FGFR2: variants seen among roughly 807,000 people sequenced by gnomAD.
The protein encoded by FGFR2 is fibroblast growth factor receptor 2, also known as BEK fibroblast growth factor receptor.
Under a neutral mutation model 95.9 loss-of-function variants are expected in FGFR2, and 19 were observed. The observed-to-expected ratio is 0.20, with a 90% CI of 0.14 to 0.29. The LOEUF is 0.29. FGFR2 is among the 10% of genes least tolerant of loss of function. The probability of loss-of-function intolerance (pLI) is 1.00; values close to 1 mark genes in which losing one functional copy is unlikely to be tolerated. For missense variants in FGFR2, 707 were observed against 1,056.9 expected (o/e 0.67, Z 4.59); for synonymous variants, 392 against 393.3 (o/e 1.00, Z 0.04).
At chr10:121,574,110 T>C (rs934831831) in intron 2 of FGFR2, among the ~76,000 whole-genome samples, 1 of 152,094 alleles carries the variant, frequency 6.6e-6, no homozygotes, top group Non-Finnish European at 1.5e-5. Flanking sequence ...CAATACCCAA[T>C]TCTCTGTCCG....
chr10:121,545,844 A>C (rs1854421622), intron 5 of FGFR2, among the ~76,000 whole-genome samples: 1 of 152,190 alleles, frequency 6.6e-6, no homozygotes, highest in Admixed American at 6.5e-5. Flanking sequence ...TAGATCTGAA[A>C]TATACTTGGT....
chr10:121,570,524 T>C (rs979102808), intron 2 of FGFR2, among the ~76,000 whole-genome samples: 1 of 152,250 alleles, frequency 6.6e-6, no homozygotes, highest in African/African-American at 2.4e-5. Context: ...TTTATAGTCA[T>C]GTGAGCACTT....
Position 121,479,780 on chromosome 10 carries a change from TG to T in FGFR2, c.*76del. 1 of 1,613,220 alleles carries T rather than the reference TG, an allele frequency of 6.2e-7. No homozygotes were observed. Among genetic ancestry groups the T allele is most frequent in the East Asian group, 2.2e-5 (1 of 44,880 alleles). On this transcript the variant is annotated 3_prime_UTR_variant, in exon 18 of 18. Coordinates refer to ENST00000358487, the MANE Select transcript of FGFR2 (RefSeq NM_000141.5). ...ATATACAAGTGGAGACAACAAGCTC[TG>T]GGAGGCATGGTCTCCCTGCTCAGTG...
rs117061282 is a variant in FGFR2, at chr10:121,530,054, A to G, written c.748+8538T>C. On this transcript the variant is annotated intron_variant, in intron 6 of 17. Transcript: ENST00000358487. ...GCAACACCGACACCCTTGGCCATCT[A>G]TTTCCCACAGACACCCACATTTGAC... Among the ~76,000 whole-genome samples the G allele has an allele frequency of 7.6e-3, 1,158 of 152,120 alleles. 4 individuals are homozygous for G. Among genetic ancestry groups the G allele is most frequent in the Middle Eastern group, 0.014 (4 of 294 alleles).
At chr10:121,593,275 A>G (rs954809151) in intron 2 of FGFR2, among the ~76,000 whole-genome samples, 2 of 152,216 alleles carry the variant, frequency 1.3e-5, no homozygotes, top group Non-Finnish European at 2.9e-5. Flanking sequence ...AACAATGAAA[A>G]TAAGATGTCA....
intron 5 of FGFR2, among the ~76,000 whole-genome samples, chr10:121,540,403 T>A (rs577836894): frequency 1.6e-4 from 25 of 152,240 alleles, no homozygotes; most frequent in Admixed American, 5.2e-4. Flanking sequence ...CGTCTCCCCT[T>A]AAGAGAGATA....
intron 1 of FGFR2, among the ~76,000 whole-genome samples, chr10:121,594,392 C>T (rs1014321090): frequency 9.2e-5 from 14 of 152,212 alleles, no homozygotes; most frequent in African/African-American, 2.7e-4. Context: ...TTCTCTTAGT[C>T]CAACTGGGCT....
In FGFR2 at chr10:121,509,482, C is replaced by CTTTTTT. The variant is rs67778522; in HGVS notation, c.1288-5547_1288-5542dup. Among the ~76,000 whole-genome samples the CTTTTTT allele has an allele frequency of 1.3e-3, 58 of 45,354 alleles. 1 individual carries two copies. The highest frequency in any genetic ancestry group is 2.8e-3 in the African/African-American group (32 of 11,568). The allele number at this position is 45,354 out of a possible 152,430, so 29.8% of individuals were successfully genotyped here. A position where few individuals can be genotyped will look rare whatever the true frequency, so the allele number is the denominator to read the frequency against. ...AGAAACAGTGTTATCTGTTTCTTTT[C>CTTTTTT]TTTTTTTTTTTTTTTTTTTTTTTTT... On this transcript the variant is annotated intron_variant, in intron 9 of 17. Coordinates refer to ENST00000358487, the MANE Select transcript of FGFR2 (RefSeq NM_000141.5).
intron 6 of FGFR2, among the ~76,000 whole-genome samples, chr10:121,523,407 T>C (rs1484399638): frequency 6.6e-6 from 1 of 152,092 alleles, no homozygotes; most frequent in East Asian, 1.9e-4. Flanking sequence ...CAGGGACCTG[T>C]CCACAGCGGG....
Position 121,597,974 on chromosome 10 carries a change from C to T in FGFR2, c.-163G>A. On this transcript the variant is annotated 5_prime_UTR_variant, in exon 1 of 18. Coordinates refer to ENST00000358487, the MANE Select transcript of FGFR2 (RefSeq NM_000141.5). ...GCGCGGCGATTACCTTGAATGGCAACGCTCCTCCGCGACCTGTGTTGTCCC... is the reference window on the plus strand; with the variant it reads ...GCGCGGCGATTACCTTGAATGGCAATGCTCCTCCGCGACCTGTGTTGTCCC... 2.5e-6 allele frequency: 1 copy of T among 393,426 alleles called. No homozygotes were observed. The highest frequency in any genetic ancestry group is 4.5e-6 in the Non-Finnish European group (1 of 222,820). The allele number at this position is 393,426 out of a possible 1,614,324, so 24.4% of individuals were successfully genotyped here. A position where few individuals can be genotyped will look rare whatever the true frequency, so the allele number is the denominator to read the frequency against.
At chr10:121,567,513 G>A (rs1310752070) in intron 2 of FGFR2, among the ~76,000 whole-genome samples, 3 of 152,224 alleles carry the variant, frequency 2.0e-5, no homozygotes, top group Non-Finnish European at 2.9e-5. Flanking sequence ...AAGCTCCGCA[G>A]CAAGAGGAGA....
intron 12 of FGFR2, among the ~76,000 whole-genome samples, 192 bp from the exon 13 acceptor site, chr10:121,496,914 T>C (rs542281317): frequency 2.0e-4 from 30 of 151,086 alleles, no homozygotes; most frequent in Non-Finnish European, 4.0e-4. Context: ...GTGGATCACA[T>C]GAGGCCAGGA....
At chr10:121,579,545 C>T (rs181976183) in intron 2 of FGFR2, among the ~76,000 whole-genome samples, 1 of 152,326 alleles carries the variant, frequency 6.6e-6, no homozygotes, top group Non-Finnish European at 1.5e-5. Flanking sequence ...TATCAACACC[C>T]ATGTATGATG....
chr10:121,492,637 G>C (rs1197332246), intron 13 of FGFR2, among the ~76,000 whole-genome samples: 1 of 152,178 alleles, frequency 6.6e-6, no homozygotes, highest in Non-Finnish European at 1.5e-5. Flanking sequence ...CCCTTTGCCT[G>C]GTTCTTCATT....
Position 121,517,262 on chromosome 10 carries a change from T to C in FGFR2, c.1084+57A>G. On this transcript the variant is annotated intron_variant, in intron 8 of 17. Coordinates refer to ENST00000358487, the MANE Select transcript of FGFR2 (RefSeq NM_000141.5). This position sits in a 1 kb window ranked among gnomAD's most constrained non-coding sequence, Gnocchi z 4.7. ...TCTGATAACAGAAGCTGTGTTAATT[T>C]TATAGCAGTCAACCAAGAAAAGGGA... 3 of 1,575,178 alleles carry C rather than the reference T, an allele frequency of 1.9e-6. No individual in the cohort carries two copies. Among genetic ancestry groups the C allele is most frequent in the Non-Finnish European group, 1.7e-6 (2 of 1,144,864 alleles).
In FGFR2 at chr10:121,485,358, C is replaced by A. The variant is rs1589713624; in HGVS notation, c.2195+37G>T. 1 of 1,613,830 alleles carries A rather than the reference C, an allele frequency of 6.2e-7. No individual in the cohort carries two copies. The highest frequency in any genetic ancestry group is 2.2e-5 in the East Asian group (1 of 44,880). ...GAGAGGTATTACTGGTGTGGCAAGTCCACTGGGGCACCGGCAGGAAAGACA... is the reference window on the plus strand; with the variant it reads ...GAGAGGTATTACTGGTGTGGCAAGTACACTGGGGCACCGGCAGGAAAGACA... On this transcript the variant is annotated intron_variant, in intron 16 of 17. Transcript: ENST00000358487. The surrounding 1 kb of genome is among the most constrained non-coding windows in gnomAD (Gnocchi z 4.2).
chr10:121,493,802 C>T (rs1298454289), intron 13 of FGFR2, among the ~76,000 whole-genome samples: 1 of 152,096 alleles, frequency 6.6e-6, no homozygotes, highest in Non-Finnish European at 1.5e-5. Flanking sequence ...CTCAGATACG[C>T]TCAAGACGAG....
chr10:121,537,202 T>C (rs1852969729), intron 6 of FGFR2, among the ~76,000 whole-genome samples: 1 of 152,212 alleles, frequency 6.6e-6, no homozygotes, highest in African/African-American at 2.4e-5. Flanking sequence ...ATCAACATTA[T>C]TCAAGGACCT....
chr10:121,480,410 C>G, intron 17 of FGFR2: 1 of 366,892 alleles, frequency 2.7e-6, no homozygotes, highest in Non-Finnish European at 5.1e-6. Context: ...TGAGTCTACA[C>G]CACCTCCTCA....
Sources: gnomAD v4.1 joint callset for allele counts (sites outside exome capture counted in the v4.1 genomes callset) on GRCh38, gnomAD v4.1.1 for gene constraint, Gnocchi (gnomAD v3.1) non-coding constraint, MANE v1.5 for transcripts, NCBI Gene and HGNC (gene_info 2026-07-23, HGNC 2026-07-21) for gene names.